Variants in SNTG1 observed in about 807,000 individuals in gnomAD.
SNTG1 encodes the protein syntrophin gamma 1, also known as gamma-1-syntrophin.
A neutral mutation model predicts 74.7 loss-of-function variants in SNTG1; 39 were observed. That is an observed-to-expected ratio of 0.52 (90% CI 0.40 to 0.68). SNTG1 has a LOEUF of 0.68. Ranked by LOEUF, SNTG1 falls within the 30% of genes least tolerant of loss-of-function variation. The pLI, the probability that SNTG1 is intolerant of heterozygous loss-of-function variation, is 0.00. For synonymous variants in SNTG1, 254 were observed against 217.1 expected (o/e 1.17, Z -1.49); for missense variants, 685 against 609.5 (o/e 1.12, Z -1.30).
At chr8:50,247,817 C>A (rs1033422228) in intron 2 of SNTG1, among the ~76,000 whole-genome samples, 1 of 152,064 alleles carries the variant, frequency 6.6e-6, no homozygotes, top group Non-Finnish European at 1.5e-5. Context: ...AGCCACTGTG[C>A]TTGGTCCCAT....
chr8:49,919,431 C>T (rs991282592), intron 1 of SNTG1, among the ~76,000 whole-genome samples: 6 of 152,088 alleles, frequency 3.9e-5, no homozygotes, highest in Non-Finnish European at 8.8e-5. Context: ...AAAAGAACAA[C>T]ACTTGTCCTC....
chr8:50,128,984 C>G (rs1180959476), intron 1 of SNTG1, among the ~76,000 whole-genome samples: 7 of 152,058 alleles, frequency 4.6e-5, no homozygotes, highest in African/African-American at 1.7e-4. Flanking sequence ...TGAAATCCAG[C>G]ATGACTTAGA....
chr8:50,196,655 T>C (rs1234757415), intron 2 of SNTG1, among the ~76,000 whole-genome samples: 1 of 152,042 alleles, frequency 6.6e-6, no homozygotes, highest in East Asian at 1.9e-4. Context: ...ACATTCTTGA[T>C]GTTTTAAAAG....
chr8:50,120,750 A>C (rs2080970545), intron 1 of SNTG1, among the ~76,000 whole-genome samples: 1 of 142,538 alleles, frequency 7.0e-6, no homozygotes, highest in Non-Finnish European at 1.6e-5. Context: ...TCACATTTTA[A>C]TGTCCACATT....
chr8:50,348,640 C>T (rs1370951887), intron 2 of SNTG1, among the ~76,000 whole-genome samples: 1 of 152,126 alleles, frequency 6.6e-6, no homozygotes, highest in Non-Finnish European at 1.5e-5. Flanking sequence ...TTTCTATGTT[C>T]ATTCAGAATA....
At chr8:50,354,816 CT>C (rs1325104023) in intron 2 of SNTG1, among the ~76,000 whole-genome samples, 2 of 152,210 alleles carry the variant, frequency 1.3e-5, no homozygotes, top group East Asian at 3.9e-4. Context: ...AACTCAGCTG[CT>C]TGCAGTGGCT....
chr8:50,163,509 G>C (rs2082502363), intron 1 of SNTG1: 1 of 126,008 alleles, frequency 7.9e-6, no homozygotes, highest in African/African-American at 3.3e-5. Context: ...ACGGAGTCTT[G>C]CTCTGGCGCC....
intron 1 of SNTG1, among the ~76,000 whole-genome samples, chr8:49,925,202 AGTTAT>A (rs1305779157): frequency 6.6e-6 from 1 of 152,194 alleles, no homozygotes; most frequent in East Asian, 1.9e-4. Context: ...AGCTATGCAC[AGTTAT>A]GTTATATTTA....
chr8:50,522,809 C>T (rs1333206162), intron 9 of SNTG1, among the ~76,000 whole-genome samples: 3 of 152,180 alleles, frequency 2.0e-5, no homozygotes, highest in Admixed American at 6.5e-5. Context: ...GATCTCCTGA[C>T]CTTGTGATCT....
chr8:50,052,166 G>T (rs575877402), intron 1 of SNTG1, among the ~76,000 whole-genome samples: 44 of 151,972 alleles, frequency 2.9e-4, no homozygotes, highest in African/African-American at 1.1e-3. Context: ...TGACTAAAAG[G>T]ATAGAGTAAT....
chr8:49,937,719 G>A (rs1808213766), intron 1 of SNTG1, among the ~76,000 whole-genome samples: 1 of 152,170 alleles, frequency 6.6e-6, no homozygotes, highest in Non-Finnish European at 1.5e-5. Flanking sequence ...AGGGAAACCA[G>A]AGGTAAAAAG....
intron 2 of SNTG1, among the ~76,000 whole-genome samples, chr8:50,293,102 CATTATAGAAT>C (rs2089196269): frequency 6.6e-6 from 1 of 152,014 alleles, no homozygotes; most frequent in Non-Finnish European, 1.5e-5. Flanking sequence ...CTTTGGAATT[CATTATAGAAT>C]TGGGACATCC....
At chr8:50,540,888 T>C (rs1339892170) in intron 11 of SNTG1, among the ~76,000 whole-genome samples, 1 of 151,960 alleles carries the variant, frequency 6.6e-6, no homozygotes, top group Non-Finnish European at 1.5e-5. Flanking sequence ...AATATGCCCC[T>C]TCTGCATTAA....
intron 13 of SNTG1, among the ~76,000 whole-genome samples, chr8:50,600,499 T>C (rs965785013): frequency 6.7e-6 from 1 of 149,632 alleles, no homozygotes. Flanking sequence ...TATTGGATTC[T>C]TCCTGATTCA....
chr8:50,597,360 CACATATACATGTATATATACACATATAT>C (rs1485111453), intron 13 of SNTG1, among the ~76,000 whole-genome samples: 7 of 139,150 alleles, frequency 5.0e-5, no homozygotes, highest in African/African-American at 1.9e-4. Context: ...CGTATATATA[CACATATACATGTATATATACACATATAT>C]ACATATATAC....
chr8:50,438,191 C>A (rs2093323990), intron 4 of SNTG1, among the ~76,000 whole-genome samples: 1 of 151,920 alleles, frequency 6.6e-6, no homozygotes. Context: ...TTTTATATAA[C>A]CTAAAACTTA....
At chr8:50,256,618 T>C (rs752462261) in intron 2 of SNTG1, among the ~76,000 whole-genome samples, 14 of 152,176 alleles carry the variant, frequency 9.2e-5, no homozygotes, top group Non-Finnish European at 1.9e-4. Context: ...AAAAAAATTA[T>C]ATTTAACATG....
intron 13 of SNTG1, among the ~76,000 whole-genome samples, chr8:50,634,761 TCCA>T (rs2095028084): frequency 6.6e-6 from 1 of 152,188 alleles, no homozygotes; most frequent in African/African-American, 2.4e-5. Flanking sequence ...GGCTCATATA[TCCA>T]CCACAAGTCA....
At chr8:50,444,095 G>C (rs1039703479) in intron 5 of SNTG1, among the ~76,000 whole-genome samples, 1 of 152,080 alleles carries the variant, frequency 6.6e-6, no homozygotes, top group Non-Finnish European at 1.5e-5. Flanking sequence ...CTGAGATCAC[G>C]CCTCTGCATT....
Sources: gnomAD v4.1 joint callset for allele counts (sites outside exome capture counted in the v4.1 genomes callset) on GRCh38, gnomAD v4.1.1 for gene constraint, MANE v1.5 for transcripts, NCBI Gene and HGNC (gene_info 2026-07-23, HGNC 2026-07-21) for gene names.